Variants in KCTD16 observed in about 807,000 individuals in gnomAD.
The protein encoded by KCTD16 is potassium channel tetramerization domain containing 16.
KCTD16 carries 13 observed loss-of-function variants against 33.2 expected under a neutral mutation model. The ratio of observed to expected loss-of-function variants is 0.39; its 90% confidence interval spans 0.25 to 0.62. KCTD16 has a LOEUF of 0.62. KCTD16 is among the 20% of genes least tolerant of loss of function. The pLI is 0.50. For synonymous variants in KCTD16, 197 were observed against 195.3 expected (o/e 1.01, Z -0.07); for missense variants, 441 against 525.1 (o/e 0.84, Z 1.57).
Position 144,228,835 on chromosome 5 carries a change from A to G in KCTD16, c.832+21289A>G, listed in dbSNP as rs555327675. 3.9e-5 allele frequency among the ~76,000 whole-genome samples: 6 copies of G among 152,358 alleles called. No homozygotes were observed. In the East Asian group the frequency reaches 7.7e-4, roughly 20 times the overall value. On this transcript the variant is annotated intron_variant, in intron 3 of 3. Coordinates refer to ENST00000512467, the MANE Select transcript of KCTD16 (RefSeq NM_020768.4). ...TATTGAATAGATATGTAGCCGATAC[A>G]GTACATATAGTAATATGTACATATA...
At chr5:144,342,334 G>T (rs1360099389) in intron 3 of KCTD16, among the ~76,000 whole-genome samples, 1 of 152,168 alleles carries the variant, frequency 6.6e-6, no homozygotes, top group Non-Finnish European at 1.5e-5. Flanking sequence ...TCTCTTTGAA[G>T]CAGTTGTGAA....
chr5:144,226,820 G>A (rs368417544), intron 3 of KCTD16, among the ~76,000 whole-genome samples: 5 of 152,124 alleles, frequency 3.3e-5, no homozygotes, highest in African/African-American at 7.2e-5. Context: ...TGATCTGCCC[G>A]CCTTGGCCTC....
intron 2 of KCTD16, among the ~76,000 whole-genome samples, chr5:144,184,700 A>G (rs1451530064): frequency 1.3e-5 from 2 of 152,170 alleles, no homozygotes; most frequent in African/African-American, 4.8e-5. Context: ...TCCTTCTTGT[A>G]GTGCCATGCT....
chr5:144,381,408 T>C (rs544054597), intron 3 of KCTD16, among the ~76,000 whole-genome samples: 1 of 152,300 alleles, frequency 6.6e-6, no homozygotes, highest in Non-Finnish European at 1.5e-5. Context: ...TGCATTGCTA[T>C]AAGGAAATAC....
At chr5:144,424,407 T>C (rs1463798158) in intron 3 of KCTD16, among the ~76,000 whole-genome samples, 1 of 152,162 alleles carries the variant, frequency 6.6e-6, no homozygotes, top group Non-Finnish European at 1.5e-5. Flanking sequence ...CATGTTCTTC[T>C]GCATCATAGA....
rs1239546452 is a variant in KCTD16, at chr5:144,348,092, T to C, written c.833-125568T>C. 2.6e-5 allele frequency among the ~76,000 whole-genome samples: 4 copies of C among 152,308 alleles called. No homozygotes were observed. In the East Asian group the frequency reaches 7.7e-4, roughly 29 times the overall value. Reference sequence around the variant, plus strand: ...TACTTCCACTCTTTGACTCTTTTGTTTAACCACATTCCAATGCCTGTAACT... The same window carrying C: ...TACTTCCACTCTTTGACTCTTTTGTCTAACCACATTCCAATGCCTGTAACT... On this transcript the variant is annotated intron_variant, in intron 3 of 3. Transcript: ENST00000512467.
rs193108613 is a variant in KCTD16, at chr5:144,300,529, C to T, written c.832+92983C>T. Among the ~76,000 whole-genome samples, 326 of 152,242 alleles carry T rather than the reference C, an allele frequency of 2.1e-3. 2 individuals are homozygous for T. Among genetic ancestry groups the T allele is most frequent in the African/African-American group, 6.3e-3 (262 of 41,572 alleles). ...GGGTATTTTGCAATAGAATTTATTA[C>T]ATATATGCAATACACAAGTTATAAC... is the stretch of plus-strand genomic sequence containing the variant. On this transcript the variant is annotated intron_variant, in intron 3 of 3. Transcript: ENST00000512467.
intron 3 of KCTD16, among the ~76,000 whole-genome samples, chr5:144,348,830 G>C (rs574943637): frequency 6.6e-6 from 1 of 152,272 alleles, no homozygotes; most frequent in South Asian, 2.1e-4. Flanking sequence ...TCACCATCCT[G>C]TTTAGAGAAG....
At chr5:144,218,046 G>A (rs1214475248) in intron 3 of KCTD16, among the ~76,000 whole-genome samples, 1 of 152,144 alleles carries the variant, frequency 6.6e-6, no homozygotes, top group Non-Finnish European at 1.5e-5. Flanking sequence ...GTGCCTGTTA[G>A]GTTCCTCAAC....
At chr5:144,378,553 A>C (rs1752143136) in intron 3 of KCTD16, among the ~76,000 whole-genome samples, 1 of 152,176 alleles carries the variant, frequency 6.6e-6, no homozygotes, top group Non-Finnish European at 1.5e-5. Context: ...CAATATGTTA[A>C]GGCCAATATG....
At chr5:144,322,522 C>A (rs996680148) in intron 3 of KCTD16, among the ~76,000 whole-genome samples, 29 of 151,174 alleles carry the variant, frequency 1.9e-4, no homozygotes, top group African/African-American at 5.1e-4. Flanking sequence ...AACAAACAAA[C>A]AAAAAAAACA....
At chr5:144,240,150 A>C (rs1305081335) in intron 3 of KCTD16, among the ~76,000 whole-genome samples, 1 of 152,166 alleles carries the variant, frequency 6.6e-6, no homozygotes, top group Non-Finnish European at 1.5e-5. Flanking sequence ...TGGTAAAATC[A>C]GATTTCAAAC....
At chr5:144,188,742 G>A (rs1269574443) in intron 2 of KCTD16, among the ~76,000 whole-genome samples, 2 of 152,226 alleles carry the variant, frequency 1.3e-5, no homozygotes, top group African/African-American at 4.8e-5. Context: ...GGGGTTTGGA[G>A]TGGAAAAGAG....
At position 144,478,092 on chromosome 5, in the gene KCTD16, C is replaced by G. The variant is rs1754632711; in HGVS notation, c.*3978C>G. On this transcript the variant is annotated 3_prime_UTR_variant, in exon 4 of 4. Transcript: ENST00000512467. ...ATGTCTTGGTATTGTTGGTGTCTTG[C>G]AATCTTGATGCCCCACAGTTTCAAT... 6.6e-6 allele frequency: 1 copy of G among 152,010 alleles called. No homozygotes were observed. Among genetic ancestry groups the G allele is most frequent in the Admixed American group, 6.6e-5 (1 of 15,252 alleles). 9.4% of individuals were successfully genotyped at this position (152,010 alleles called of 1,614,324 possible).
rs1045283483 is a variant in KCTD16, at chr5:144,474,718, GCTGTGCTCCT to G, written c.*605_*614del. On this transcript the variant is annotated 3_prime_UTR_variant, in exon 4 of 4. Coordinates refer to ENST00000512467, the MANE Select transcript of KCTD16 (RefSeq NM_020768.4). ...ATGCCAGGGCCTAGACCTCCCAAGG[GCTGTGCTCCT>G]GCTCCCAGCAGCCCTCTCTTAGAAT... The G allele has an allele frequency of 6.6e-6, 1 of 152,662 alleles. No homozygotes were observed. Among genetic ancestry groups the G allele is most frequent in the Non-Finnish European group, 1.5e-5 (1 of 68,160 alleles). The allele number at this position is 152,662 out of a possible 1,614,324, so 9.5% of individuals were successfully genotyped here.
intron 3 of KCTD16, among the ~76,000 whole-genome samples, chr5:144,300,476 T>G (rs1254615663): frequency 2.0e-5 from 3 of 152,302 alleles, no homozygotes; most frequent in East Asian, 1.9e-4. Flanking sequence ...ACTGAGACAG[T>G]GTAGTAGAAA....
intron 3 of KCTD16, among the ~76,000 whole-genome samples, chr5:144,467,081 A>G (rs1754360513): frequency 1.5e-5 from 2 of 131,700 alleles, no homozygotes; most frequent in South Asian, 2.2e-4. Flanking sequence ...TAATATATAT[A>G]GTGTTATATA....
At chr5:144,314,219 A>G (rs1397119397) in intron 3 of KCTD16, among the ~76,000 whole-genome samples, 15 of 152,162 alleles carry the variant, frequency 9.9e-5, no homozygotes, top group Admixed American at 9.8e-4. Context: ...ACCATACCCC[A>G]AAGTATTTGG....
intron 3 of KCTD16, among the ~76,000 whole-genome samples, chr5:144,455,171 C>T (rs1430586422): frequency 1.3e-5 from 2 of 152,032 alleles, no homozygotes; most frequent in East Asian, 1.9e-4. Context: ...AACAGAGGCG[C>T]ATTGAGGAGT....
Sources: allele counts gnomAD v4.1 joint callset (sites outside exome capture counted in the v4.1 genomes callset), GRCh38; gene constraint gnomAD v4.1.1; transcripts MANE v1.5; gene names NCBI Gene and HGNC (gene_info 2026-07-23, HGNC 2026-07-21).